SNRPG: variants seen among roughly 807,000 people sequenced by gnomAD.
SNRPG encodes small nuclear ribonucleoprotein polypeptide G.
In SNRPG, 3 loss-of-function variants were observed where a neutral mutation model predicts 13.9. The ratio of observed to expected loss-of-function variants is 0.22; its 90% CI spans 0.10 to 0.56. The LOEUF is 0.56. Among genes scored for constraint, SNRPG ranks in the 20% least tolerant of loss-of-function variants. SNRPG has a pLI of 0.93. For missense variants in SNRPG, 34 were observed against 96.1 expected, an observed-to-expected ratio of 0.35 and a Z score of 2.70; for synonymous variants, 29 against 29.3, an observed-to-expected ratio of 0.99 and a Z score of 0.03.
At chr2:70,288,720 T>G (rs1165909589) in intron 2 of SNRPG, among the ~76,000 whole-genome samples, 1 of 152,246 alleles carries the variant, frequency 6.6e-6, no homozygotes, top group Non-Finnish European at 1.5e-5. Flanking sequence ...ATGTTATTCC[T>G]ACATATTCCC....
chr2:70,290,300 T>C (rs539572914), intron 1 of SNRPG, among the ~76,000 whole-genome samples: 1 of 152,268 alleles, frequency 6.6e-6, no homozygotes, highest in South Asian at 2.1e-4. Context: ...TTGAAATAAG[T>C]AGTGTTCTTT....
intron 3 of SNRPG, among the ~76,000 whole-genome samples, chr2:70,282,342 C>T (rs1696812647): frequency 6.6e-6 from 1 of 152,004 alleles, no homozygotes; most frequent in African/African-American, 2.4e-5. Context: ...GGTATGAGAT[C>T]ATTTAGGGAA....
At chr2:70,290,626 T>A (rs1485283805) in intron 1 of SNRPG, among the ~76,000 whole-genome samples, 1 of 151,574 alleles carries the variant, frequency 6.6e-6, no homozygotes, top group African/African-American at 2.4e-5. Flanking sequence ...AGGATTATCA[T>A]GGGAAAATGT....
At chr2:70,287,844 C>T (rs1279569986) in intron 3 of SNRPG, 14 of 548,750 alleles carry the variant, frequency 2.6e-5, no homozygotes, top group Non-Finnish European at 3.6e-5. Flanking sequence ...TTTCCAACAG[C>T]TATTTCAAGC....
intron 1 of SNRPG, among the ~76,000 whole-genome samples, chr2:70,289,590 C>T (rs964860531): frequency 1.3e-5 from 2 of 152,096 alleles, no homozygotes; most frequent in African/African-American, 4.8e-5. Context: ...GGCGGGTGGA[C>T]TGCTTGAGCT....
intron 3 of SNRPG, among the ~76,000 whole-genome samples, chr2:70,284,580 C>T (rs1696894271): frequency 6.6e-6 from 1 of 152,060 alleles, no homozygotes; most frequent in Non-Finnish European, 1.5e-5. Flanking sequence ...GACAGGGTCT[C>T]ACCATGTTGC....
intron 1 of SNRPG, among the ~76,000 whole-genome samples, chr2:70,290,596 C>T (rs1266533841): frequency 6.6e-6 from 1 of 151,570 alleles, no homozygotes; most frequent in Non-Finnish European, 1.5e-5. Flanking sequence ...AAGTGGGGCA[C>T]TTATTCAATT....
chr2:70,293,515 T>C, intron 1 of SNRPG, 103 bp downstream of exon 1: 3 of 1,020,512 alleles, frequency 2.9e-6, no homozygotes. Flanking sequence ...GAAGAAGAAA[T>C]GAAGTGAAGC....
chr2:70,287,701 C>G (rs1696977730), intron 3 of SNRPG: 1 of 399,312 alleles, frequency 2.5e-6, no homozygotes, highest in South Asian at 3.6e-5. Flanking sequence ...AGTTCTGCCC[C>G]ATACCTACTG....
At chr2:70,284,858 C>G (rs1336690490) in intron 3 of SNRPG, among the ~76,000 whole-genome samples, 5 of 152,224 alleles carry the variant, frequency 3.3e-5, no homozygotes, top group African/African-American at 1.2e-4. Context: ...CTTTGTCCCA[C>G]CTTATCTGTG....
chr2:70,287,290 A>G (rs1443978718), intron 3 of SNRPG: 2 of 702,698 alleles, frequency 2.8e-6, no homozygotes, highest in South Asian at 3.0e-5. Context: ...TTTATGCTTA[A>G]TAATTTGCTA....
rs562502819 is a variant in SNRPG at position 70,288,488 on chromosome 2, G to A, written c.56-296C>T. ...TGCCCAGGCTGGTCTCGAACTCCTG[G>A]GCTCAAGGGATCCTCCCGCTTTGGC... On this transcript the variant is annotated intron_variant, in intron 2 of 3. Coordinates refer to ENST00000272348, the MANE Select transcript of SNRPG (RefSeq NM_003096.4). Among the ~76,000 whole-genome samples, 13 of 152,154 alleles carry A rather than the reference G, an allele frequency of 8.5e-5. No homozygotes were observed. In the South Asian group the frequency reaches 2.7e-3, roughly 32 times the overall value.
chr2:70,286,100 A>G (rs1421818850), intron 3 of SNRPG, among the ~76,000 whole-genome samples: 6 of 151,986 alleles, frequency 3.9e-5, no homozygotes, highest in Admixed American at 1.3e-4. Context: ...CTAATTTTCT[A>G]ATTTTTTTGT....
At chr2:70,290,004 CTTT>C (rs56861344) in intron 1 of SNRPG, among the ~76,000 whole-genome samples, 5 of 130,898 alleles carry the variant, frequency 3.8e-5, no homozygotes, top group Admixed American at 7.8e-5. Flanking sequence ...AAATTTCTTT[CTTT>C]TTTTTTTTTT....
At chr2:70,291,683 C>T (rs1041791156) in intron 1 of SNRPG, among the ~76,000 whole-genome samples, 1 of 152,018 alleles carries the variant, frequency 6.6e-6, no homozygotes, top group Admixed American at 6.6e-5. Flanking sequence ...GTCATTTTGG[C>T]GGCAGATCTG....
At chr2:70,293,436 C>T in intron 1 of SNRPG, 182 bp downstream of exon 1, 1 of 684,056 alleles carries the variant, frequency 1.5e-6, no homozygotes, top group Admixed American at 2.2e-5. Context: ...CACACCGACG[C>T]GCGAGCTCTG....
chr2:70,290,208 T>C (rs111306366), intron 1 of SNRPG, among the ~76,000 whole-genome samples: 16 of 152,258 alleles, frequency 1.1e-4, no homozygotes, highest in African/African-American at 3.8e-4. Flanking sequence ...AAGACTTGCC[T>C]ATGTTTGGTT....
intron 1 of SNRPG, chr2:70,292,908 G>C (rs757330918): frequency 1.9e-6 from 1 of 530,652 alleles, no homozygotes; most frequent in Non-Finnish European, 3.4e-6. Context: ...AAAGCTTTAC[G>C]TTGAGTCCTA....
At chr2:70,283,122 A>AAACAAAC (rs1696852868) in intron 3 of SNRPG, among the ~76,000 whole-genome samples, 1 of 82,962 alleles carries the variant, frequency 1.2e-5, no homozygotes, top group Non-Finnish European at 2.5e-5. Context: ...AAAAAAAAAA[A>AAACAAAC]AACAACAAAC....
Sources: allele counts gnomAD v4.1 joint callset (sites outside exome capture counted in the v4.1 genomes callset), GRCh38; gene constraint gnomAD v4.1.1; transcripts MANE v1.5; gene names NCBI Gene and HGNC (gene_info 2026-07-23, HGNC 2026-07-21).